ANKRD11: variants seen among roughly 807,000 people sequenced by gnomAD.
ANKRD11 encodes ankyrin repeat domain-containing protein 11.
In ANKRD11, 17 loss-of-function variants were observed where a neutral mutation model predicts 195.7. That is an observed-to-expected ratio of 0.09 (90% confidence interval 0.06 to 0.13). The LOEUF (loss-of-function observed/expected upper bound fraction) is 0.13, where lower values mean the gene tolerates loss of function less well. Among genes scored for constraint, ANKRD11 ranks in the 10% least tolerant of loss-of-function variants. The pLI is 1.00. For missense variants in ANKRD11, 3,735 were observed against 3,566.1 expected (o/e 1.05, Z -1.21); for synonymous variants, 1,953 against 1,528.1 (o/e 1.28, Z -6.49).
chr16:89,338,726 C>CAAAAAAAAAA, intron 2 of ANKRD11, among the ~76,000 whole-genome samples: 2 of 43,800 alleles, frequency 4.6e-5, no homozygotes, highest in Non-Finnish European at 7.8e-5. Flanking sequence ...CACTCAGTCT[C>CAAAAAAAAAA]AAAAAAAAAA....
At chr16:89,463,810 CTGT>C (rs1159304292) in intron 1 of ANKRD11, among the ~76,000 whole-genome samples, 1 of 102,854 alleles carries the variant, frequency 9.7e-6, no homozygotes, top group Admixed American at 9.9e-5. Flanking sequence ...AAGCAATAGA[CTGT>C]TAAGTTTAAT....
chr16:89,271,218 C>A, intron 11 of ANKRD11: 1 of 449,850 alleles, frequency 2.2e-6, no homozygotes, highest in Non-Finnish European at 4.1e-6. Flanking sequence ...GCTCAGCCCA[C>A]TGCCAACTCC....
At chr16:89,351,472 C>CT (rs967863716) in intron 2 of ANKRD11, among the ~76,000 whole-genome samples, 4 of 152,212 alleles carry the variant, frequency 2.6e-5, no homozygotes, top group Non-Finnish European at 4.4e-5. Flanking sequence ...CACCAAATAA[C>CT]TGATTCTCAT....
At chr16:89,397,226 G>C (rs2041478091) in intron 2 of ANKRD11, among the ~76,000 whole-genome samples, 1 of 152,160 alleles carries the variant, frequency 6.6e-6, no homozygotes, top group Non-Finnish European at 1.5e-5. Flanking sequence ...ACCTGGGTGA[G>C]GGGAGCACGG....
At chr16:89,392,323 T>C (rs957058742) in intron 2 of ANKRD11, 2 of 152,436 alleles carry the variant, frequency 1.3e-5, no homozygotes, top group South Asian at 2.1e-4. Context: ...GGAGCAAGCA[T>C]TTCAAACACA....
At chr16:89,441,514 TC>T (rs1217463648) in intron 1 of ANKRD11, among the ~76,000 whole-genome samples, 1 of 151,876 alleles carries the variant, frequency 6.6e-6, no homozygotes, top group East Asian at 1.9e-4. Context: ...ACGCCTGTAA[TC>T]CCAGCACTTT....
Position 89,279,936 on chromosome 16 carries a change from C to T in ANKRD11, c.6606G>A (p.Glu2202=), listed in dbSNP as rs1265997218. The change falls in exon 9 of 13, where the codon GAG becomes GAA. Residue 2202 remains glutamate (E), a synonymous_variant. Transcript: ENST00000301030. The surrounding 1 kb of genome is among the most constrained non-coding windows in gnomAD (Gnocchi z 5.6). ...GCTCCCCTGAGGGCTCAGGCTCGAG[C>T]TCTGCAGGGAGCCGGGTGGAGGCCT... ...PDQASTRLPA[E]LEPEPSGEPK... is the part of the protein sequence containing the mutation. 3 of 1,610,214 alleles carry T rather than the reference C, an allele frequency of 1.9e-6. No homozygotes were observed. Among genetic ancestry groups the T allele is most frequent in the Admixed American group, 3.3e-5 (2 of 60,014 alleles).
intron 2 of ANKRD11, among the ~76,000 whole-genome samples, chr16:89,383,644 G>A (rs564553080): frequency 6.6e-6 from 1 of 152,060 alleles, no homozygotes; most frequent in East Asian, 1.9e-4. Flanking sequence ...CAGCAACGCA[G>A]CAGACGTCGA....
chr16:89,292,442 G>A (rs1037097372), intron 4 of ANKRD11, among the ~76,000 whole-genome samples: 8 of 152,160 alleles, frequency 5.3e-5, no homozygotes, highest in Admixed American at 1.3e-4. Context: ...GAATGTGCCC[G>A]TCGATTTCCT....
intron 1 of ANKRD11, among the ~76,000 whole-genome samples, chr16:89,468,703 T>C (rs1350984742): frequency 6.6e-6 from 1 of 151,780 alleles, no homozygotes; most frequent in Non-Finnish European, 1.5e-5. Flanking sequence ...TAAGACGCTA[T>C]CTCAAAAAAA....
chr16:89,347,876 T>A (rs115480791), intron 2 of ANKRD11, among the ~76,000 whole-genome samples: 1,563 of 152,194 alleles, frequency 0.01, 24 homozygotes, highest in African/African-American at 0.035. Flanking sequence ...TCCATCAGAC[T>A]GAGGAAACTC....
At chr16:89,376,337 A>G (rs1358400179) in intron 2 of ANKRD11, among the ~76,000 whole-genome samples, 6 of 152,244 alleles carry the variant, frequency 3.9e-5, no homozygotes, top group Non-Finnish European at 7.3e-5. Context: ...CAATGTCAAG[A>G]TAACAGGAGA....
At chr16:89,367,813 G>A (rs961674054) in intron 2 of ANKRD11, among the ~76,000 whole-genome samples, 33 of 152,174 alleles carry the variant, frequency 2.2e-4, no homozygotes, top group African/African-American at 6.3e-4. Flanking sequence ...CAGGTGGGGA[G>A]CCTGGGCAAC....
At chr16:89,356,357 GATCC>G (rs2039472630) in intron 2 of ANKRD11, among the ~76,000 whole-genome samples, 3 of 151,812 alleles carry the variant, frequency 2.0e-5, no homozygotes, top group African/African-American at 7.3e-5. Context: ...AGAAGGATGT[GATCC>G]ATCAGCCAAC....
At chr16:89,440,517 G>T (rs1388822963) in intron 1 of ANKRD11, among the ~76,000 whole-genome samples, 1 of 152,220 alleles carries the variant, frequency 6.6e-6, no homozygotes, top group Non-Finnish European at 1.5e-5. Context: ...TCAGGAGGCT[G>T]AGGTGGGAGA....
chr16:89,386,771 G>C (rs1373102773), intron 2 of ANKRD11, among the ~76,000 whole-genome samples: 1 of 152,186 alleles, frequency 6.6e-6, no homozygotes, highest in Non-Finnish European at 1.5e-5. Context: ...TAGCACTGTA[G>C]AATCCTTCCA....
intron 2 of ANKRD11, among the ~76,000 whole-genome samples, chr16:89,391,735 T>C (rs1425118337): frequency 2.6e-5 from 4 of 152,198 alleles, no homozygotes; most frequent in Admixed American, 2.6e-4. Flanking sequence ...TTGTAAGAAG[T>C]AAAGCAGAGG....
At chr16:89,479,101 G>T (rs772341355) in intron 1 of ANKRD11, among the ~76,000 whole-genome samples, 10 of 151,968 alleles carry the variant, frequency 6.6e-5, no homozygotes, top group Non-Finnish European at 1.3e-4. Flanking sequence ...CTGTTCCTGT[G>T]GACAGCAGTC....
intron 1 of ANKRD11, among the ~76,000 whole-genome samples, chr16:89,479,360 C>A (rs2057363831): frequency 6.6e-6 from 1 of 152,090 alleles, no homozygotes; most frequent in African/African-American, 2.4e-5. Context: ...AGGCCTGGCG[C>A]AGTGGCTCAC....
Sources: allele counts gnomAD v4.1 joint callset (sites outside exome capture counted in the v4.1 genomes callset), GRCh38; gene constraint gnomAD v4.1.1; non-coding constraint Gnocchi (gnomAD v3.1); transcripts MANE v1.5; gene names NCBI Gene and HGNC (gene_info 2026-07-23, HGNC 2026-07-21).